Variants in CCT7 observed in about 807,000 individuals in gnomAD.
CCT7 encodes the protein chaperonin containing TCP1 subunit 7.
CCT7 carries 16 observed loss-of-function variants against 56.6 expected under a neutral mutation model. The observed-to-expected ratio is 0.28, with a 90% CI of 0.19 to 0.43. The LOEUF is 0.43. Among genes scored for constraint, CCT7 ranks in the 20% least tolerant of loss-of-function variants. CCT7 has a pLI of 1.00. For missense variants in CCT7, 519 were observed against 685.6 expected, an observed-to-expected ratio of 0.76 and a Z score of 2.71; for synonymous variants, 262 against 254.8, an observed-to-expected ratio of 1.03 and a Z score of -0.27.
At chr2:73,234,977 T>G (rs985191880) in intron 1 of CCT7, among the ~76,000 whole-genome samples, 3 of 152,194 alleles carry the variant, frequency 2.0e-5, no homozygotes, top group African/African-American at 7.2e-5. Context: ...GCCTACTGAA[T>G]GTACCAGGCC....
chr2:73,236,169 T>G (rs1686873197), intron 1 of CCT7, among the ~76,000 whole-genome samples: 1 of 152,256 alleles, frequency 6.6e-6, no homozygotes, highest in Non-Finnish European at 1.5e-5. Flanking sequence ...CTTGCCTTTG[T>G]GGCGTTGAGC....
intron 3 of CCT7, among the ~76,000 whole-genome samples, chr2:73,242,424 C>T (rs191879082): frequency 1.1e-3 from 163 of 152,152 alleles, no homozygotes; most frequent in African/African-American, 3.5e-3. Flanking sequence ...GGATTACAGG[C>T]GCCCGCCATC....
Position 73,244,539 on chromosome 2 carries a change from C to A in CCT7, c.447-5C>A. On this transcript the variant is annotated splice_region_variant and splice_polypyrimidine_tract_variant and intron_variant, in intron 5 of 11. Transcript: ENST00000258091. ...CCTGATGCAGATTCTGCCCTTGTGT[C>A]CCAGGGAGCAGAGGAAGCTGCTGGA... 6.2e-7 allele frequency: 1 copy of A among 1,605,466 alleles called. No individual in the cohort carries two copies. The highest frequency in any genetic ancestry group is 8.5e-7 in the Non-Finnish European group (1 of 1,174,156).
chr2:73,251,529 G>A, intron 11 of CCT7, 97 bp downstream of exon 11: 1 of 1,088,688 alleles, frequency 9.2e-7, no homozygotes, highest in Non-Finnish European at 1.4e-6. Context: ...GCCTGGCCCA[G>A]GAGATAGGCT....
intron 6 of CCT7, among the ~76,000 whole-genome samples, chr2:73,245,754 A>G (rs1369873533): frequency 6.6e-6 from 1 of 152,208 alleles, no homozygotes; most frequent in Non-Finnish European, 1.5e-5. Flanking sequence ...CCCAAATTGC[A>G]TTCCCACTTT....
Position 73,250,249 on chromosome 2 carries a change from A to G in CCT7, c.1071-57A>G, listed in dbSNP as rs1054678631. On this transcript the variant is annotated intron_variant, in intron 9 of 11. Transcript: ENST00000258091. ...TGGGGGGGCTGGCAGTGAGGACAAT[A>G]CAGTAGGATGGTGGCAGACAAGAGT... 49 of 1,605,038 alleles carry G rather than the reference A, an allele frequency of 3.1e-5. No individual in the cohort carries two copies. The Middle Eastern group carries it at 6.6e-4, about 22-fold the overall frequency.
At chr2:73,237,254 T>A (rs1686921170) in intron 1 of CCT7, among the ~76,000 whole-genome samples, 1 of 152,100 alleles carries the variant, frequency 6.6e-6, no homozygotes, top group Non-Finnish European at 1.5e-5. Flanking sequence ...GGTGGCCTGG[T>A]GGTGAGAAAG....
chr2:73,236,356 T>C (rs186706738), intron 1 of CCT7, among the ~76,000 whole-genome samples: 1,642 of 152,028 alleles, frequency 0.011, 17 homozygotes, highest in African/African-American at 0.032. Context: ...TTTTTTTTTT[T>C]CCCGAGATGG....
At chr2:73,241,787 CT>C (rs1687125832) in intron 3 of CCT7, among the ~76,000 whole-genome samples, 1 of 150,722 alleles carries the variant, frequency 6.6e-6, no homozygotes, top group Admixed American at 6.6e-5. Flanking sequence ...GTTGCCCAGG[CT>C]GGAGTGCAAT....
chr2:73,245,441 C>CT (rs1289115365), intron 6 of CCT7, among the ~76,000 whole-genome samples: 1 of 152,186 alleles, frequency 6.6e-6, no homozygotes, highest in African/African-American at 2.4e-5. Flanking sequence ...TAGCCCCATC[C>CT]ACACTTGGCT....
intron 2 of CCT7, 193 bp from the exon 3 acceptor site, chr2:73,240,244 G>A: frequency 2.4e-6 from 1 of 410,476 alleles, no homozygotes; most frequent in Non-Finnish European, 4.3e-6. Context: ...TCTGTGGTCT[G>A]CAAAAGCTTG....
At position 73,244,687 on chromosome 2, in the gene CCT7, T is replaced by C; in HGVS notation, c.590T>C (p.Ile197Thr). ...TTGCTGCAGCTTAAAATGATTGGAATCAAGAAGGTACAGGGTGGAGCCCTC... is the reference window on the plus strand; with the variant it reads ...TTGCTGCAGCTTAAAATGATTGGAACCAAGAAGGTACAGGGTGGAGCCCTC... ...DDLLQLKMIG[I>T]KKVQGGALED... The change falls in exon 6 of 12, where the codon ATC becomes ACC. Residue 197 changes from isoleucine to threonine, a missense_variant. Transcript: ENST00000258091. 1 of 1,613,512 alleles carries C rather than the reference T, an allele frequency of 6.2e-7. No individual in the cohort carries two copies. The highest frequency in any genetic ancestry group is 8.5e-7 in the Non-Finnish European group (1 of 1,179,650).
At chr2:73,246,612 C>T (rs1687349901) in intron 6 of CCT7, among the ~76,000 whole-genome samples, 1 of 152,208 alleles carries the variant, frequency 6.6e-6, no homozygotes, top group African/African-American at 2.4e-5. Flanking sequence ...CAGGCATTAA[C>T]AAAGCCTGTA....
chr2:73,242,846 T>G, intron 3 of CCT7, 158 bp from the exon 4 acceptor site: 3 of 778,244 alleles, frequency 3.9e-6, no homozygotes, highest in Non-Finnish European at 6.2e-6. Flanking sequence ...TACCATTAGC[T>G]TCTTTCTACT....
intron 3 of CCT7, among the ~76,000 whole-genome samples, chr2:73,240,872 A>G (rs1687076109): frequency 6.6e-6 from 1 of 151,404 alleles, no homozygotes; most frequent in African/African-American, 2.4e-5. Context: ...TGGGGCTGTA[A>G]ACTAAGACTT....
intron 1 of CCT7, chr2:73,235,566 A>G: frequency 1.0e-6 from 1 of 1,002,132 alleles, no homozygotes; most frequent in African/African-American, 1.7e-5. Context: ...TCATTCTTGA[A>G]GTCGTCTTCA....
Position 73,244,731 on chromosome 2 carries a change from C to G in CCT7, c.618+16C>G. The G allele has an allele frequency of 3.8e-6, 6 of 1,589,624 alleles. No homozygotes were observed. Among genetic ancestry groups the G allele is most frequent in the Admixed American group, 1.7e-5 (1 of 58,362 alleles). On this transcript the variant is annotated intron_variant, in intron 6 of 11. Coordinates refer to ENST00000258091, the MANE Select transcript of CCT7 (RefSeq NM_006429.4). The stretch of plus-strand genomic sequence containing the variant: ...AGCCCTCGAGGTAAGCCTGCTGTGG[C>G]CTTCCTAGACAGCTCTTGCTTTCAT...
At chr2:73,239,084 G>A (rs1686997269) in intron 1 of CCT7, 1 of 152,412 alleles carries the variant, frequency 6.6e-6, no homozygotes, top group Non-Finnish European at 1.5e-5. Context: ...CAAAGGTGCT[G>A]TTTGTTTCTC....
intron 6 of CCT7, 69 bp downstream of exon 6, chr2:73,244,784 C>T: frequency 8.2e-7 from 1 of 1,220,658 alleles, no homozygotes. Flanking sequence ...CTTCATATGG[C>T]AGAGGGGTAC....
Sources: gnomAD v4.1 joint callset for allele counts (sites outside exome capture counted in the v4.1 genomes callset) on GRCh38, gnomAD v4.1.1 for gene constraint, MANE v1.5 for transcripts, NCBI Gene and HGNC (gene_info 2026-07-23, HGNC 2026-07-21) for gene names.